The following MSH3 variants were observed in gnomAD, a reference collection of about 807,000 sequenced individuals.
MSH3 encodes mutS homolog 3, also known as DNA mismatch repair protein Msh3.
In MSH3, 106 loss-of-function variants were observed where a neutral mutation model predicts 123.3. The observed-to-expected ratio is 0.86, with a 90% CI of 0.73 to 1.01. The LOEUF is 1.01. MSH3 is among the 50% of genes least tolerant of loss of function. MSH3 has a pLI of 0.00. For synonymous variants in MSH3, 515 were observed against 481.4 expected, an observed-to-expected ratio of 1.07 and a Z score of -0.91; for missense variants, 1,459 against 1,347.6, an observed-to-expected ratio of 1.08 and a Z score of -1.29.
chr5:80,813,569 C>T lies in MSH3; in HGVS notation c.2656-15C>T, dbSNP rs1745045616. 6.2e-7 allele frequency: 1 copy of T among 1,613,720 alleles called. No homozygotes were observed. Among genetic ancestry groups the T allele is most frequent in the African/African-American group, 1.3e-5 (1 of 74,864 alleles). The stretch of plus-strand genomic sequence containing the variant: ...TTTTCTGGTACAATAAGTGAAATTC[C>T]TTTCTAATTTTCAGGAGGACTCAGA... On this transcript the variant is annotated splice_polypyrimidine_tract_variant and intron_variant, in intron 19 of 23. Coordinates refer to ENST00000265081, the MANE Select transcript of MSH3 (RefSeq NM_002439.5).
rs150892199 is a variant in MSH3, at chr5:80,663,230, T to C, written c.359-1913T>C. Among the ~76,000 whole-genome samples the C allele has an allele frequency of 2.0e-3, 305 of 152,304 alleles. 2 individuals carry two copies. The highest frequency in any genetic ancestry group is 7.0e-3 in the African/African-American group (290 of 41,562). ...AAGGTTCATTGGTACTTGGAAAATT[T>C]GGAGTAACTGGCAAGCTCTGATTAG... On this transcript the variant is annotated intron_variant, in intron 2 of 23. Transcript: ENST00000265081.
rs895228835 is a variant in MSH3, at chr5:80,725,680, A to G, written c.1453+115A>G. ...GTAGTTATTATAAATATGTGGGAGAAGAAGAGCTCACTGTTGTTGTGCTCA... is the reference window on the plus strand; with the variant it reads ...GTAGTTATTATAAATATGTGGGAGAGGAAGAGCTCACTGTTGTTGTGCTCA... On this transcript the variant is annotated intron_variant, in intron 9 of 23. Coordinates refer to ENST00000265081, the MANE Select transcript of MSH3 (RefSeq NM_002439.5). The G allele has an allele frequency of 4.9e-5, 37 of 756,718 alleles. No individual in the cohort carries two copies. The Admixed American group carries it at 7.0e-4, about 14-fold the overall frequency. The allele number at this position is 756,718 out of a possible 1,614,324, so 46.9% of individuals were successfully genotyped here.
chr5:80,835,879 T>A lies in MSH3; in HGVS notation c.2814-18251T>A, dbSNP rs1317353913. 4.0e-5 allele frequency among the ~76,000 whole-genome samples: 6 copies of A among 151,834 alleles called. No individual in the cohort carries two copies. The South Asian group carries it at 1.2e-3, about 32-fold the overall frequency. ...ACAGTGAGCTGAGATTGCACCACCG[T>A]ACTCCAGCCTGGGCAACAGAGAGAC... is the stretch of plus-strand genomic sequence containing the variant. On this transcript the variant is annotated intron_variant, in intron 20 of 23. Transcript: ENST00000265081.
intron 22 of MSH3, among the ~76,000 whole-genome samples, chr5:80,865,239 C>G (rs760364313): frequency 6.6e-6 from 1 of 152,020 alleles, no homozygotes; most frequent in African/African-American, 2.4e-5. Context: ...CCTCTTAGTG[C>G]CTTGTACTCT....
At chr5:80,791,425 TTGGAATTTAGTATTTATGAATGAA>T (rs1744604041) in intron 18 of MSH3, among the ~76,000 whole-genome samples, 1 of 152,170 alleles carries the variant, frequency 6.6e-6, no homozygotes, top group Non-Finnish European at 1.5e-5. Flanking sequence ...GTATTGAAAT[TTGGAATTTAGTATTTATGAATGAA>T]TATGTTCTAG....
chr5:80,694,392 G>A (rs948893136), intron 8 of MSH3, among the ~76,000 whole-genome samples: 2 of 152,016 alleles, frequency 1.3e-5, no homozygotes, highest in African/African-American at 4.8e-5. Flanking sequence ...TTACCAGTTT[G>A]AGTGAAATAT....
rs6151876 is a variant in MSH3 at position 80,813,308 on chromosome 5, G to A, written c.2656-276G>A. 5.8e-3 allele frequency among the ~76,000 whole-genome samples: 879 copies of A among 152,266 alleles called. 4 individuals carry two copies. Among genetic ancestry groups the A allele is most frequent in the African/African-American group, 0.02 (833 of 41,548 alleles). ...AGCAATAGGGAGAATATGCACATAG[G>A]CAGATTAAAAAATGCTTAATGAGAA... is the stretch of plus-strand genomic sequence containing the variant. On this transcript the variant is annotated intron_variant, in intron 19 of 23. Transcript: ENST00000265081.
intron 2 of MSH3, among the ~76,000 whole-genome samples, chr5:80,662,555 G>A (rs899449537): frequency 2.6e-5 from 4 of 152,102 alleles, no homozygotes; most frequent in East Asian, 1.9e-4. Context: ...GGCGGGGCAC[G>A]GTGGCTCACG....
chr5:80,769,097 T>C, intron 15 of MSH3, 94 bp downstream of exon 15: 5 of 1,153,150 alleles, frequency 4.3e-6, no homozygotes, highest in Non-Finnish European at 6.3e-6. Context: ...AGGATATGTA[T>C]TATCTTTTCA....
At position 80,663,560 on chromosome 5, in the gene MSH3, T is replaced by A. The variant is rs181125478; in HGVS notation, c.359-1583T>A. ...ACTTTCATTCCAGGCAGTTTTTTTT[T>A]ATGTCTATAGGAGGGAAACTCTTTG... On this transcript the variant is annotated intron_variant, in intron 2 of 23. Transcript: ENST00000265081. 1.7e-3 allele frequency among the ~76,000 whole-genome samples: 259 copies of A among 152,242 alleles called. 3 individuals carry two copies. Among genetic ancestry groups the A allele is most frequent in the African/African-American group, 5.9e-3 (246 of 41,538 alleles).
At chr5:80,872,532 G>A (rs375175693) in intron 22 of MSH3, among the ~76,000 whole-genome samples, 1 of 151,536 alleles carries the variant, frequency 6.6e-6, no homozygotes, top group African/African-American at 2.4e-5. Flanking sequence ...TCATCCTGGC[G>A]CAGTGGCTCA....
chr5:80,831,365 T>A (rs928053040), intron 20 of MSH3, among the ~76,000 whole-genome samples: 2 of 152,200 alleles, frequency 1.3e-5, no homozygotes, highest in African/African-American at 2.4e-5. Flanking sequence ...CACCTGGAGA[T>A]CATTGTTGTT....
intron 8 of MSH3, among the ~76,000 whole-genome samples, chr5:80,703,950 A>G (rs1750664860): frequency 6.6e-6 from 1 of 152,116 alleles, no homozygotes; most frequent in Non-Finnish European, 1.5e-5. Context: ...TGGTTTCTGC[A>G]TAGGGCGTGT....
At position 80,675,102 on chromosome 5, in the gene MSH3, AAG is replaced by A; in HGVS notation, c.1148_1149del (p.Lys383ArgfsTer20). ...TAAGGAAAATGTTAGGGACAAAAAAAAGGGCAACATTTTTATTGGCATTGTGG... is the reference window on the plus strand; with the variant it reads ...TAAGGAAAATGTTAGGGACAAAAAAAGGCAACATTTTTATTGGCATTGTGG... ...ENKENVRDKK[K>X]GNIFIGIVGV... is the part of the protein sequence containing the mutation. On this transcript the variant is annotated frameshift_variant, in exon 7 of 24. Transcript: ENST00000265081. LOFTEE classifies it high-confidence loss of function. 6.2e-7 allele frequency: 1 copy of A among 1,613,876 alleles called. No homozygotes were observed. Among genetic ancestry groups the A allele is most frequent in the Non-Finnish European group, 8.5e-7 (1 of 1,179,904 alleles).
chr5:80,764,985 C>T (rs1221772830), intron 13 of MSH3, among the ~76,000 whole-genome samples: 1 of 152,130 alleles, frequency 6.6e-6, no homozygotes, highest in African/African-American at 2.4e-5. Context: ...GGTCTGTGCT[C>T]AAGCTCTCCC....
At chr5:80,739,329 T>C (rs1743570419) in intron 10 of MSH3, among the ~76,000 whole-genome samples, 1 of 152,230 alleles carries the variant, frequency 6.6e-6, no homozygotes, top group Admixed American at 6.5e-5. Flanking sequence ...ACATAGCCAA[T>C]CACTGCCTAA....
chr5:80,853,507 CTAAA>C lies in MSH3; in HGVS notation c.2814-622_2814-619del, dbSNP rs573474008. 1.3e-4 allele frequency among the ~76,000 whole-genome samples: 19 copies of C among 151,592 alleles called. No individual in the cohort carries two copies. In the East Asian group the frequency reaches 3.3e-3, roughly 26 times the overall value. On this transcript the variant is annotated intron_variant, in intron 20 of 23. Transcript: ENST00000265081. ...AAAAAGCACAATATGTAGTCTCATA[CTAAA>C]GGCTTTAAGAAGTCTTACAGAAAAG...
chr5:80,699,841 G>A (rs551791753), intron 8 of MSH3, among the ~76,000 whole-genome samples: 1 of 152,236 alleles, frequency 6.6e-6, no homozygotes, highest in South Asian at 2.1e-4. Context: ...ACATGGCTAA[G>A]TTACTGTTTA....
chr5:80,711,757 C>T (rs1426682673), intron 8 of MSH3, among the ~76,000 whole-genome samples: 6 of 151,864 alleles, frequency 4.0e-5, no homozygotes, highest in Non-Finnish European at 1.5e-5. Flanking sequence ...TGGGTTCAAG[C>T]GATTCTCCTG....
Sources: gnomAD v4.1 joint callset for allele counts (sites outside exome capture counted in the v4.1 genomes callset) on GRCh38, gnomAD v4.1.1 for gene constraint, MANE v1.5 for transcripts, NCBI Gene and HGNC (gene_info 2026-07-23, HGNC 2026-07-21) for gene names.